The following ANK1 variants were observed in gnomAD, a reference collection of about 807,000 sequenced individuals.
The protein encoded by ANK1 is ankyrin 1.
Under a neutral mutation model 210.4 loss-of-function variants are expected in ANK1, and 51 were observed. That is an observed-to-expected ratio of 0.24 (90% CI 0.19 to 0.31). The LOEUF is 0.31. Among genes scored for constraint, ANK1 ranks in the 10% least tolerant of loss-of-function variants. ANK1 has a pLI of 1.00. For missense variants in ANK1, 2,051 were observed against 2,504.4 expected (o/e 0.82, Z 3.86); for synonymous variants, 967 against 1,025.9 (o/e 0.94, Z 1.10).
chr8:41,689,359 G>C (rs1331250880), intron 33 of ANK1, among the ~76,000 whole-genome samples: 1 of 151,792 alleles, frequency 6.6e-6, no homozygotes, highest in Non-Finnish European at 1.5e-5. Context: ...GAACTCCTGG[G>C]CTCAAGCAAT....
chr8:41,727,868 G>A (rs1323150704), intron 4 of ANK1, 40 bp downstream of exon 4: 7 of 1,602,802 alleles, frequency 4.4e-6, no homozygotes, highest in African/African-American at 4.0e-5. Flanking sequence ...ACCACCTGTG[G>A]AAAGGCAACA....
intron 38 of ANK1, among the ~76,000 whole-genome samples, chr8:41,669,779 T>C (rs1192761349): frequency 2.0e-5 from 3 of 152,170 alleles, no homozygotes; most frequent in African/African-American, 7.2e-5. Flanking sequence ...CCACGGCCCT[T>C]TCCTCCCGAC....
chr8:41,803,025 GAA>G (rs145895575), intron 1 of ANK1, among the ~76,000 whole-genome samples: 55 of 85,792 alleles, frequency 6.4e-4, no homozygotes, highest in African/African-American at 2.6e-3. Flanking sequence ...AAGAAAGAAA[GAA>G]AGAAAGAAAG....
chr8:41,789,930 C>A (rs558660971), intron 1 of ANK1, among the ~76,000 whole-genome samples: 3 of 152,160 alleles, frequency 2.0e-5, no homozygotes, highest in Admixed American at 6.5e-5. Context: ...AGGGATAAAA[C>A]CCCGGGGACC....
chr8:41,724,477 G>T lies in ANK1; in HGVS notation c.690C>A (p.Ala230=). The T allele has an allele frequency of 6.3e-7, 1 of 1,591,928 alleles. No homozygotes were observed. Among genetic ancestry groups the T allele is most frequent in the Non-Finnish European group, 8.6e-7 (1 of 1,169,152 alleles). Residue 230 remains alanine (A), a synonymous_variant, in exon 7 of 43, where the codon GCC becomes GCA. Coordinates refer to ENST00000289734, the MANE Select transcript of ANK1 (RefSeq NM_000037.4). ...TTACCTGTGGTGTGAAATTGACGCT[G>T]GCTCCTCTGTTGAGGAGCAACTGGG... The part of the protein sequence containing the change: ...NVAQLLLNRG[A]SVNFTPQNGI...
chr8:41,695,050 A>G (rs1820455065), intron 27 of ANK1, 127 bp downstream of exon 27: 2 of 1,339,024 alleles, frequency 1.5e-6, no homozygotes, highest in South Asian at 2.4e-5. Context: ...GCTTGTCCAC[A>G]CCAGGCCATT....
chr8:41,715,945 C>T, intron 13 of ANK1, 96 bp from the exon 14 acceptor site: 4 of 1,423,290 alleles, frequency 2.8e-6, no homozygotes, highest in East Asian at 2.4e-5. Context: ...CCAGAGAGGG[C>T]AAGTGACCTT....
chr8:41,861,366 T>C (rs1038070110), intron 1 of ANK1, among the ~76,000 whole-genome samples: 2 of 152,190 alleles, frequency 1.3e-5, no homozygotes, highest in East Asian at 3.8e-4. Flanking sequence ...TAAAAGGTGT[T>C]TGGGAACACT....
intron 1 of ANK1, among the ~76,000 whole-genome samples, chr8:41,856,586 G>A (rs374604216): frequency 6.6e-6 from 1 of 152,148 alleles, no homozygotes; most frequent in Non-Finnish European, 1.5e-5. Flanking sequence ...CATGAAAAGT[G>A]ACTACAGGTT....
At chr8:41,665,986 T>A (rs1225497294) in intron 39 of ANK1, among the ~76,000 whole-genome samples, 1 of 152,094 alleles carries the variant, frequency 6.6e-6, no homozygotes, top group African/African-American at 2.4e-5. Context: ...CTGGAAAAAA[T>A]TTCACTTTCT....
At position 41,715,691 on chromosome 8, in the gene ANK1, G is replaced by A. The variant is rs762615459; in HGVS notation, c.1563C>T (p.Ala521=). Reference sequence around the variant, plus strand: ...CCTGGGATGCTTCCTTTTCCAGAAGGGCCAGGACTGTTTCCACATGGCCCT... The same window carrying A: ...CCTGGGATGCTTCCTTTTCCAGAAGAGCCAGGACTGTTTCCACATGGCCCT... ...AREGHVETVL[A]LLEKEASQAC... is the part of the protein sequence containing the mutation. Residue 521 remains alanine (A), a synonymous_variant, in exon 14 of 43, where the codon GCC becomes GCT. Coordinates refer to ENST00000289734, the MANE Select transcript of ANK1 (RefSeq NM_000037.4). The A allele has an allele frequency of 3.9e-5, 63 of 1,613,864 alleles. No individual in the cohort carries two copies. The highest frequency in any genetic ancestry group is 5.1e-5 in the Non-Finnish European group (60 of 1,180,038).
In ANK1 at chr8:41,704,552, C is replaced by G. The variant is rs1824033512; in HGVS notation, c.2098-80G>C. 2.3e-6 allele frequency: 3 copies of G among 1,285,750 alleles called. No individual in the cohort carries two copies. The highest frequency in any genetic ancestry group is 1.8e-4 in the Middle Eastern group (1 of 5,462). The allele number at this position is 1,285,750 out of a possible 1,614,324, so 79.6% of individuals were successfully genotyped here. On this transcript the variant is annotated intron_variant, in intron 18 of 42. Transcript: ENST00000289734. The surrounding 1 kb of genome is among the most constrained non-coding windows in gnomAD (Gnocchi z 4.1). ...GAAATCCTTCCCAAAGCAGCTGATT[C>G]AAAGAGAGAACGGACAGGGAGCCCC... is the stretch of plus-strand genomic sequence containing the variant.
intron 1 of ANK1, among the ~76,000 whole-genome samples, chr8:41,771,853 C>A (rs1481111793): frequency 6.6e-6 from 1 of 152,192 alleles, no homozygotes; most frequent in Non-Finnish European, 1.5e-5. Flanking sequence ...TCAGTATAGA[C>A]AGGGACTCTG....
At chr8:41,718,007 C>T (rs1209548670) in intron 11 of ANK1, 99 bp downstream of exon 11, 3 of 1,147,500 alleles carry the variant, frequency 2.6e-6, no homozygotes, top group East Asian at 2.5e-5. Context: ...GACACACACA[C>T]CCCTGCAGCC....
chr8:41,863,122 G>A (rs913565690), intron 1 of ANK1, among the ~76,000 whole-genome samples: 1 of 152,202 alleles, frequency 6.6e-6, no homozygotes, highest in Non-Finnish European at 1.5e-5. Context: ...ACTTTGGGAG[G>A]CGGAGGCAGG....
intron 37 of ANK1, among the ~76,000 whole-genome samples, chr8:41,681,095 C>T (rs542176697): frequency 2.2e-4 from 34 of 152,344 alleles, no homozygotes; most frequent in Admixed American, 3.3e-4. Flanking sequence ...AGGTAATAAT[C>T]GTCCTGCTAG....
intron 1 of ANK1, among the ~76,000 whole-genome samples, chr8:41,874,604 C>A (rs1178129256): frequency 1.3e-5 from 2 of 152,182 alleles, no homozygotes; most frequent in Non-Finnish European, 2.9e-5. Context: ...TTGCTGTCTT[C>A]CTCCAGACAA....
intron 1 of ANK1, among the ~76,000 whole-genome samples, chr8:41,864,344 A>G (rs1813902142): frequency 6.6e-6 from 1 of 152,082 alleles, no homozygotes. Context: ...AAACTCTATA[A>G]GAATGTTTCT....
At chr8:41,808,472 C>G (rs1055753477) in intron 1 of ANK1, among the ~76,000 whole-genome samples, 7 of 152,018 alleles carry the variant, frequency 4.6e-5, no homozygotes, top group Non-Finnish European at 7.4e-5. Context: ...CGAGACCAGC[C>G]TGACCAACAT....
Sources: gnomAD v4.1 joint callset for allele counts (sites outside exome capture counted in the v4.1 genomes callset) on GRCh38, gnomAD v4.1.1 for gene constraint, Gnocchi (gnomAD v3.1) non-coding constraint, MANE v1.5 for transcripts, NCBI Gene and HGNC (gene_info 2026-07-23, HGNC 2026-07-21) for gene names.